The following CPA5 variants were observed in gnomAD, a reference collection of about 807,000 sequenced individuals.
CPA5 encodes the protein carboxypeptidase A5, also known as testicular tissue protein Li 32.
A neutral mutation model predicts 52.2 loss-of-function variants in CPA5; 38 were observed. The observed-to-expected ratio is 0.73, with a 90% CI of 0.56 to 0.95. The LOEUF (loss-of-function observed/expected upper bound fraction) is 0.95. Among genes scored for constraint, CPA5 ranks in the 40% least tolerant of loss-of-function variants. CPA5 has a pLI of 0.00. For missense variants in CPA5, 519 were observed against 566.7 expected, an observed-to-expected ratio of 0.92 and a Z score of 0.86; for synonymous variants, 198 against 213.7, an observed-to-expected ratio of 0.93 and a Z score of 0.64.
At chr7:130,353,697 C>G (rs142589839) in intron 5 of CPA5, among the ~76,000 whole-genome samples, 1 of 152,162 alleles carries the variant, frequency 6.6e-6, no homozygotes, top group South Asian at 2.1e-4. Flanking sequence ...ACACCACCCC[C>G]GAGGGCCCAT....
In CPA5 at chr7:130,368,695, C is replaced by G. The variant is rs570008144; in HGVS notation, c.*98C>G. 4 of 1,245,270 alleles carry G rather than the reference C, an allele frequency of 3.2e-6. No homozygotes were observed. Among genetic ancestry groups the G allele is most frequent in the Non-Finnish European group, 4.6e-6 (4 of 875,858 alleles). The allele number at this position is 1,245,270 out of a possible 1,614,324, so 77.1% of individuals were successfully genotyped here. On this transcript the variant is annotated 3_prime_UTR_variant, in exon 13 of 13. Transcript: ENST00000474905. Reference sequence around the variant, plus strand: ...CATCCCCATCCCCATGCCCTCATCCCGACCTCTTAGAAAATAAATACAAGT... The same window carrying G: ...CATCCCCATCCCCATGCCCTCATCCGGACCTCTTAGAAAATAAATACAAGT...
At chr7:130,374,182 A>T in the CPA5 span, among the ~76,000 whole-genome samples, 1 of 152,126 alleles carries the variant, frequency 6.6e-6, no homozygotes, top group Non-Finnish European at 1.5e-5. Flanking sequence ...CTTCTGTAGC[A>T]GACTTCTCCT....
rs1794861141 is a variant in CPA5 at position 130,347,795 on chromosome 7, A to T, written c.146A>T (p.Asp49Val). 1 of 1,613,792 alleles carries T rather than the reference A, an allele frequency of 6.2e-7. No individual in the cohort carries two copies. The highest frequency in any genetic ancestry group is 1.3e-5 in the African/African-American group (1 of 74,834). The change falls in exon 4 of 13, where the codon GAT becomes GTT. Residue 49 changes from aspartate to valine, a missense_variant. Coordinates refer to ENST00000474905, the MANE Select transcript of CPA5 (RefSeq NM_080385.5). The part of the protein sequence containing the change: ...GDQVLRVLAK[D>V]EKQLSLLGDL... The stretch of plus-strand genomic sequence containing the variant: ...CAGGTTCTTCGAGTCCTGGCCAAAG[A>T]TGAGAAGCAGCTTTCACTTCTCGGG...
intron 5 of CPA5, among the ~76,000 whole-genome samples, chr7:130,356,933 C>A (rs1795506214): frequency 6.6e-6 from 1 of 152,200 alleles, no homozygotes; most frequent in Non-Finnish European, 1.5e-5. Flanking sequence ...GTGGCTGGCA[C>A]ACATTGGTCA....
At chr7:130,350,205 G>A (rs1310692034) in intron 5 of CPA5, 96 bp downstream of exon 5, 1 of 1,340,466 alleles carries the variant, frequency 7.5e-7, no homozygotes, top group African/African-American at 1.4e-5. Flanking sequence ...AAGTGGACAT[G>A]TGGTTTCTGG....
downstream of CPA5, among the ~76,000 whole-genome samples, chr7:130,373,692 A>G (rs1796314845): frequency 6.6e-6 from 1 of 152,246 alleles, no homozygotes; most frequent in Non-Finnish European, 1.5e-5. Context: ...AATTTAATGT[A>G]AAAATGCCCC....
chr7:130,364,583 C>T (rs1016395649), intron 10 of CPA5, among the ~76,000 whole-genome samples: 10 of 152,208 alleles, frequency 6.6e-5, no homozygotes, highest in African/African-American at 9.7e-5. Flanking sequence ...GTCAATCAGC[C>T]GCCTCGGCCA....
chr7:130,347,676 G>A, intron 3 of CPA5, 90 bp from the exon 4 acceptor site: 1 of 1,112,978 alleles, frequency 9.0e-7, no homozygotes, highest in African/African-American at 1.5e-5. Context: ...CCTCAGCTGG[G>A]CCTCTGCTCC....
At chr7:130,353,240 C>T (rs929976489) in intron 5 of CPA5, among the ~76,000 whole-genome samples, 2 of 151,490 alleles carry the variant, frequency 1.3e-5, no homozygotes, top group African/African-American at 2.4e-5. Flanking sequence ...CATCCCTGTC[C>T]GCCAGCAGGC....
intron 4 of CPA5, among the ~76,000 whole-genome samples, chr7:130,349,221 T>C (rs1794972294): frequency 6.6e-6 from 1 of 152,086 alleles, no homozygotes; most frequent in South Asian, 2.1e-4. Context: ...TCATCTGAGG[T>C]CGGGAGTTCA....
Position 130,345,132 on chromosome 7 carries a change from G to T in CPA5, c.-225G>T, listed in dbSNP as rs545472994. ...CCTTTGATAATGTTACTGTTTGAGAGTCCCTGAAGCCAGGATACTAGAAGA... is the reference window on the plus strand; with the variant it reads ...CCTTTGATAATGTTACTGTTTGAGATTCCCTGAAGCCAGGATACTAGAAGA... On this transcript the variant is annotated 5_prime_UTR_variant, in exon 1 of 13. Coordinates refer to ENST00000474905, the MANE Select transcript of CPA5 (RefSeq NM_080385.5). The T allele has an allele frequency of 2.0e-5, 3 of 152,292 alleles. No homozygotes were observed. In the East Asian group the frequency reaches 5.8e-4, roughly 29 times the overall value. 9.4% of individuals were successfully genotyped at this position (152,292 alleles called of 1,614,324 possible). A position where few individuals can be genotyped will look rare whatever the true frequency, so the allele number is the denominator to read the frequency against.
At chr7:130,351,347 G>A (rs539536237) in intron 5 of CPA5, among the ~76,000 whole-genome samples, 2 of 152,220 alleles carry the variant, frequency 1.3e-5, no homozygotes, top group East Asian at 1.9e-4. Context: ...TGGGAACTCC[G>A]CAGCATTTGG....
In CPA5 at chr7:130,362,941, A is replaced by G; in HGVS notation, c.694A>G (p.Ile232Val). 1 of 1,613,912 alleles carries G rather than the reference A, an allele frequency of 6.2e-7. No individual in the cohort carries two copies. Among genetic ancestry groups the G allele is most frequent in the Non-Finnish European group, 8.5e-7 (1 of 1,179,880 alleles). The part of the protein sequence containing the change: ...VLTDILNAMD[I>V]FIELVTNPDG... ...GACAGACATACTGAATGCCATGGAC[A>G]TCTTCATAGAGCTCGTCACAAACCC... is the stretch of plus-strand genomic sequence containing the variant. Residue 232 changes from isoleucine to valine, a missense_variant, in exon 9 of 13, where the codon ATC becomes GTC. By Grantham distance (29) the Ile-to-Val change is conservative (BLOSUM62 3). Coordinates refer to ENST00000474905, the MANE Select transcript of CPA5 (RefSeq NM_080385.5).
At position 130,364,068 on chromosome 7, in the gene CPA5, C is replaced by A. The variant is rs192733699; in HGVS notation, c.838+559C>A. Among the ~76,000 whole-genome samples, 180 of 152,260 alleles carry A rather than the reference C, an allele frequency of 1.2e-3. 1 individual carries two copies. In the Middle Eastern group the frequency reaches 0.037, roughly 32 times the overall value. On this transcript the variant is annotated intron_variant, in intron 10 of 12. Transcript: ENST00000474905. ...TTTGAGACAAGGTCTCACTCTGTCA[C>A]CCAGGCTGGAGTGCAGTGGTGTGAT...
intron 5 of CPA5, among the ~76,000 whole-genome samples, chr7:130,352,573 A>G (rs1277881457): frequency 6.6e-6 from 1 of 152,160 alleles, no homozygotes; most frequent in Non-Finnish European, 1.5e-5. Context: ...CCCATCACAA[A>G]GAGTGCCCTC....
chr7:130,371,274 T>C (rs566618079), downstream of CPA5, among the ~76,000 whole-genome samples: 64 of 152,250 alleles, frequency 4.2e-4, no homozygotes, highest in Non-Finnish European at 7.8e-4. Flanking sequence ...TTTCAACATG[T>C]CGCCTCCTCA....
At chr7:130,350,745 C>T (rs782355270) in intron 5 of CPA5, among the ~76,000 whole-genome samples, 8 of 152,214 alleles carry the variant, frequency 5.3e-5, no homozygotes, top group Non-Finnish European at 1.0e-4. Context: ...CCCCAGTCTC[C>T]CTGCTGCTTT....
chr7:130,352,765 C>T (rs191181396), intron 5 of CPA5, among the ~76,000 whole-genome samples: 1 of 151,832 alleles, frequency 6.6e-6, no homozygotes, highest in Non-Finnish European at 1.5e-5. Flanking sequence ...GTGGGCCAGG[C>T]AAGAAATTAT....
At chr7:130,372,613 C>A (rs1279165131), downstream of CPA5, among the ~76,000 whole-genome samples, 1 of 152,164 alleles carries the variant, frequency 6.6e-6, no homozygotes, top group African/African-American at 2.4e-5. Flanking sequence ...AACAAGTGAG[C>A]CAGCTGAGGT....
Sources: gnomAD v4.1 joint callset for allele counts (sites outside exome capture counted in the v4.1 genomes callset) on GRCh38, gnomAD v4.1.1 for gene constraint, MANE v1.5 for transcripts, NCBI Gene and HGNC (gene_info 2026-07-23, HGNC 2026-07-21) for gene names.